Variants in VGLL4 observed in about 807,000 individuals in gnomAD.
The protein encoded by VGLL4 is vestigial like family member 4.
A neutral mutation model predicts 21.0 loss-of-function variants in VGLL4; 7 were observed. The observed-to-expected ratio is 0.33, with a 90% confidence interval of 0.19 to 0.63. The LOEUF is 0.63. Ranked by LOEUF, VGLL4 falls within the 20% of genes least tolerant of loss-of-function variation. The pLI is 0.78. For missense variants in VGLL4, 394 were observed against 425.7 expected (o/e 0.93, Z 0.66); for synonymous variants, 222 against 173.2 (o/e 1.28, Z -2.21).
chr3:11,566,644 C>T (rs543660124), intron 2 of VGLL4, among the ~76,000 whole-genome samples: 3 of 152,304 alleles, frequency 2.0e-5, no homozygotes, highest in Admixed American at 2.0e-4. Context: ...CACTCTCTGC[C>T]TCTGTGGCTG....
chr3:11,654,630 G>C (rs1169283363), intron 2 of VGLL4, among the ~76,000 whole-genome samples: 2 of 152,224 alleles, frequency 1.3e-5, no homozygotes, highest in African/African-American at 2.4e-5. Context: ...ACCTGCACCT[G>C]TAAGTATCTT....
At chr3:11,628,631 T>TA (rs2075408607) in intron 1 of VGLL4, among the ~76,000 whole-genome samples, 1 of 150,910 alleles carries the variant, frequency 6.6e-6, no homozygotes, top group African/African-American at 2.4e-5. Context: ...CCATCCTAGC[T>TA]AACACGGTGA....
chr3:11,696,099 T>C (rs1426275203), intron 2 of VGLL4, among the ~76,000 whole-genome samples: 1 of 152,074 alleles, frequency 6.6e-6, no homozygotes, highest in Non-Finnish European at 1.5e-5. Context: ...TCTCCCACAG[T>C]TGCACACACA....
chr3:11,711,694 G>A (rs1056117617), intron 1 of VGLL4, among the ~76,000 whole-genome samples: 1 of 152,144 alleles, frequency 6.6e-6, no homozygotes, highest in Non-Finnish European at 1.5e-5. Context: ...TCCAGCCTGG[G>A]TGACAGAGGG....
chr3:11,649,714 G>C (rs916232724), intron 2 of VGLL4, among the ~76,000 whole-genome samples: 1 of 152,098 alleles, frequency 6.6e-6, no homozygotes, highest in African/African-American at 2.4e-5. Flanking sequence ...AAAATTGACA[G>C]AGACAGCTCT....
chr3:11,601,945 G>A lies in VGLL4; in HGVS notation c.160C>T (p.Pro54Ser). The part of the protein sequence containing the change: ...ASALSSHRTG[P>S]PPISPSKRKF... ...CTCTTGCTGGGGCTGATTGGGGGAG[G>A]GCCGGTGCGGTGACTGCTGAGGGCA... Residue 54 changes from proline (P) to serine (S), a missense_variant, in exon 2 of 5, where the codon CCT becomes TCT. Transcript: ENST00000430365. 2 of 1,613,128 alleles carry A rather than the reference G, an allele frequency of 1.2e-6. No homozygotes were observed. Among genetic ancestry groups the A allele is most frequent in the South Asian group, 1.1e-5 (1 of 90,994 alleles).
chr3:11,651,517 T>A (rs1333668952), intron 2 of VGLL4, among the ~76,000 whole-genome samples: 2 of 151,628 alleles, frequency 1.3e-5, no homozygotes, highest in African/African-American at 2.4e-5. Flanking sequence ...CAAGAACCAT[T>A]AGCTAGGATT....
At chr3:11,562,150 A>AC (rs2125115862) in intron 3 of VGLL4, among the ~76,000 whole-genome samples, 1 of 151,112 alleles carries the variant, frequency 6.6e-6, no homozygotes, top group East Asian at 2.0e-4. Context: ...CGCCGCCTCA[A>AC]CCCCCCAAAG....
chr3:11,620,123 T>C (rs191373766), intron 1 of VGLL4, among the ~76,000 whole-genome samples: 18 of 152,244 alleles, frequency 1.2e-4, no homozygotes, highest in Admixed American at 1.1e-3. Flanking sequence ...GTGAATTCAT[T>C]TCGTACTCCT....
intron 2 of VGLL4, among the ~76,000 whole-genome samples, chr3:11,589,165 T>C (rs966628001): frequency 1.3e-5 from 2 of 152,062 alleles, no homozygotes; most frequent in South Asian, 2.1e-4. Flanking sequence ...TGGCAACCAG[T>C]AGGTCACTCC....
At chr3:11,572,647 C>T (rs1234247330) in intron 2 of VGLL4, among the ~76,000 whole-genome samples, 1 of 152,138 alleles carries the variant, frequency 6.6e-6, no homozygotes, top group Non-Finnish European at 1.5e-5. Context: ...ACACATCCGT[C>T]GCATGCTTCA....
chr3:11,639,769 G>C (rs2075653659), intron 1 of VGLL4, among the ~76,000 whole-genome samples: 1 of 152,184 alleles, frequency 6.6e-6, no homozygotes, highest in Admixed American at 6.5e-5. Flanking sequence ...CCAGCTACTA[G>C]TGAGGCTGAG....
intron 2 of VGLL4, chr3:11,699,482 C>G (rs1483190491): frequency 6.6e-6 from 1 of 152,098 alleles, no homozygotes; most frequent in Non-Finnish European, 1.5e-5. Context: ...TATGCCAGCC[C>G]ATCTCTAAAG....
intron 2 of VGLL4, among the ~76,000 whole-genome samples, chr3:11,700,724 G>A (rs1322378232): frequency 2.6e-5 from 4 of 152,196 alleles, no homozygotes; most frequent in Non-Finnish European, 5.9e-5. Context: ...CAGGATGGCT[G>A]ACAGCTCTGG....
chr3:11,685,933 T>G (rs578081538), intron 2 of VGLL4, among the ~76,000 whole-genome samples: 2 of 152,214 alleles, frequency 1.3e-5, no homozygotes, highest in Non-Finnish European at 2.9e-5. Context: ...AACCGGCACA[T>G]GCAAACATGC....
chr3:11,558,933 C>T (rs908118589), intron 4 of VGLL4, 106 bp from the exon 5 acceptor site: 49 of 1,357,112 alleles, frequency 3.6e-5, no homozygotes, highest in South Asian at 1.7e-4. Flanking sequence ...CTGGCTGCCA[C>T]GGTCAGCGTG....
intron 2 of VGLL4, among the ~76,000 whole-genome samples, chr3:11,665,457 A>C (rs1371176056): frequency 1.3e-5 from 2 of 152,168 alleles, no homozygotes; most frequent in Non-Finnish European, 2.9e-5. Context: ...TTGAAATCCC[A>C]ACATGCCTTC....
intron 1 of VGLL4, among the ~76,000 whole-genome samples, chr3:11,717,490 A>ATTTTT (rs60921966): frequency 0.043 from 3,163 of 72,808 alleles, 241 homozygotes; most frequent in Middle Eastern, 0.051. Flanking sequence ...CCCACTACAG[A>ATTTTT]TTTTTTTTTT....
rs149402819 is a variant in VGLL4, at chr3:11,672,697, C to T, written c.64+30274G>A. Reference sequence around the variant, plus strand: ...CTGTACAGGTGAGGACACGGAGAACCGGTAACTTGCTTTACTTCTACAAAA... The same window carrying T: ...CTGTACAGGTGAGGACACGGAGAACTGGTAACTTGCTTTACTTCTACAAAA... On this transcript the variant is annotated intron_variant, in intron 2 of 5. Transcript: ENST00000273038. Among the ~76,000 whole-genome samples, 7 of 152,270 alleles carry T rather than the reference C, an allele frequency of 4.6e-5. No homozygotes were observed. The East Asian group carries it at 1.3e-3, about 29-fold the overall frequency.
Sources: gnomAD v4.1 joint callset for allele counts (sites outside exome capture counted in the v4.1 genomes callset) on GRCh38, gnomAD v4.1.1 for gene constraint, MANE v1.5 for transcripts, NCBI Gene and HGNC (gene_info 2026-07-23, HGNC 2026-07-21) for gene names.